The following L3MBTL4 variants were observed in gnomAD, a reference collection of about 807,000 sequenced individuals.
L3MBTL4 encodes the protein L3MBTL histone methyl-lysine binding protein 4.
L3MBTL4 carries 70 observed loss-of-function variants against 84.5 expected under a neutral mutation model. That is an observed-to-expected ratio of 0.83 (90% confidence interval 0.68 to 1.01). The LOEUF (loss-of-function observed/expected upper bound fraction) is 1.01, where lower values mean the gene tolerates loss of function less well. Ranked by LOEUF, L3MBTL4 falls within the 50% of genes least tolerant of loss-of-function variation. L3MBTL4 has a pLI of 0.00. For synonymous variants in L3MBTL4, 274 were observed against 259.8 expected, an observed-to-expected ratio of 1.05 and a Z score of -0.52; for missense variants, 715 against 754.8, an observed-to-expected ratio of 0.95 and a Z score of 0.62.
At chr18:6,091,396 T>C (rs943876546) in intron 15 of L3MBTL4, among the ~76,000 whole-genome samples, 8 of 152,206 alleles carry the variant, frequency 5.3e-5, no homozygotes, top group African/African-American at 1.7e-4. Context: ...GGCTTTGGTC[T>C]TGAGATGTAA....
At chr18:6,293,108 AC>A (rs1347057884) in intron 4 of L3MBTL4, among the ~76,000 whole-genome samples, 1 of 152,210 alleles carries the variant, frequency 6.6e-6, no homozygotes, top group Non-Finnish European at 1.5e-5. Flanking sequence ...CCCAAATAAA[AC>A]ATTTTAAATA....
Position 6,093,539 on chromosome 18 carries a change from T to C in L3MBTL4, c.1200-11A>G, listed in dbSNP as rs756145387. On this transcript the variant is annotated splice_polypyrimidine_tract_variant and intron_variant, in intron 14 of 18. Coordinates refer to ENST00000317931, the MANE Select transcript of L3MBTL4 (RefSeq NM_001330559.2). ...GGGCAGCCAAAAGCACTGGTTTGTA[T>C]AAAAATGAGAGCACAGTCATCAGTA... 1 of 1,608,728 alleles carries C rather than the reference T, an allele frequency of 6.2e-7. No individual in the cohort carries two copies. The highest frequency in any genetic ancestry group is 1.1e-5 in the South Asian group (1 of 89,786).
At chr18:6,300,076 A>T (rs1166865607) in intron 4 of L3MBTL4, among the ~76,000 whole-genome samples, 1 of 152,164 alleles carries the variant, frequency 6.6e-6, no homozygotes, top group Non-Finnish European at 1.5e-5. Context: ...TATTTCTAAG[A>T]CATGAGGTAA....
intron 4 of L3MBTL4, among the ~76,000 whole-genome samples, chr18:6,267,321 G>A (rs972169927): frequency 9.2e-5 from 14 of 152,152 alleles, no homozygotes; most frequent in Non-Finnish European, 2.9e-5. Context: ...AATTGTCATC[G>A]ATGGATTTTC....
intron 12 of L3MBTL4, among the ~76,000 whole-genome samples, chr18:6,173,159 CT>C (rs1210313356): frequency 2.0e-5 from 3 of 152,200 alleles, no homozygotes; most frequent in African/African-American, 7.2e-5. Flanking sequence ...ACAGTAATAA[CT>C]TTCAAAAGTA....
intron 15 of L3MBTL4, among the ~76,000 whole-genome samples, chr18:6,091,334 A>G (rs1343674079): frequency 2.6e-5 from 4 of 152,206 alleles, no homozygotes; most frequent in Admixed American, 6.5e-5. Context: ...TCCAAACATT[A>G]TTAGGATGAT....
intron 14 of L3MBTL4, among the ~76,000 whole-genome samples, chr18:6,099,847 A>G (rs1431149093): frequency 6.6e-6 from 1 of 151,944 alleles, no homozygotes; most frequent in East Asian, 1.9e-4. Context: ...CTATATATCT[A>G]TATCTATCTA....
intron 1 of L3MBTL4, among the ~76,000 whole-genome samples, chr18:6,344,410 A>T (rs957860260): frequency 3.9e-5 from 6 of 152,218 alleles, no homozygotes; most frequent in Non-Finnish European, 8.8e-5. Flanking sequence ...ACTTCCCAAT[A>T]AAGAAAGCCC....
At chr18:6,294,780 A>G (rs2050019205) in intron 4 of L3MBTL4, among the ~76,000 whole-genome samples, 1 of 152,306 alleles carries the variant, frequency 6.6e-6, no homozygotes, top group East Asian at 1.9e-4. Context: ...CACTCTTACT[A>G]TCCACCAGGG....
At chr18:6,337,995 G>T (rs922327077) in intron 1 of L3MBTL4, among the ~76,000 whole-genome samples, 8 of 151,796 alleles carry the variant, frequency 5.3e-5, no homozygotes, top group Admixed American at 1.3e-4. Context: ...ACAATAGAAT[G>T]GCCTTGTTAA....
intron 18 of L3MBTL4, among the ~76,000 whole-genome samples, chr18:5,957,719 G>A (rs1426157528): frequency 6.6e-6 from 1 of 151,996 alleles, no homozygotes; most frequent in Admixed American, 6.6e-5. Flanking sequence ...ACTTTGGGAG[G>A]CCGAGGTGGG....
chr18:6,004,789 G>A (rs936680521), intron 16 of L3MBTL4, among the ~76,000 whole-genome samples: 1 of 152,090 alleles, frequency 6.6e-6, no homozygotes, highest in African/African-American at 2.4e-5. Context: ...GAGATAGTGA[G>A]AGTAGTCAAA....
chr18:6,022,797 T>C (rs1264778718), intron 16 of L3MBTL4, among the ~76,000 whole-genome samples: 5 of 152,222 alleles, frequency 3.3e-5, no homozygotes, highest in African/African-American at 4.8e-5. Context: ...ATGTTTTCTC[T>C]TTTTTACTTT....
intron 15 of L3MBTL4, among the ~76,000 whole-genome samples, chr18:6,091,006 G>T (rs952275631): frequency 6.6e-6 from 1 of 152,064 alleles, no homozygotes; most frequent in Admixed American, 6.6e-5. Flanking sequence ...TTGGACAGCA[G>T]CCAAGTAAAA....
chr18:5,973,544 T>C (rs902380084), intron 16 of L3MBTL4, among the ~76,000 whole-genome samples: 3 of 152,200 alleles, frequency 2.0e-5, no homozygotes, highest in Non-Finnish European at 4.4e-5. Flanking sequence ...AACTTTTTTT[T>C]ACAAAGCCCA....
chr18:6,111,014 C>G (rs1386481023), intron 14 of L3MBTL4, among the ~76,000 whole-genome samples: 1 of 152,066 alleles, frequency 6.6e-6, no homozygotes, highest in Admixed American at 6.6e-5. Flanking sequence ...CTCTGCCCTC[C>G]TTTTCTTCCT....
intron 8 of L3MBTL4, among the ~76,000 whole-genome samples, chr18:6,241,112 T>C (rs890441053): frequency 6.6e-6 from 1 of 152,232 alleles, no homozygotes; most frequent in Non-Finnish European, 1.5e-5. Flanking sequence ...TTTAGTAGGC[T>C]TTAAACATAA....
At chr18:6,169,832 A>C (rs2043877785) in intron 13 of L3MBTL4, among the ~76,000 whole-genome samples, 1 of 151,878 alleles carries the variant, frequency 6.6e-6, no homozygotes. Context: ...GTATAATAAT[A>C]ATAATAATAA....
chr18:6,002,954 C>T (rs939491811), intron 16 of L3MBTL4, among the ~76,000 whole-genome samples: 2 of 151,026 alleles, frequency 1.3e-5, no homozygotes, highest in Non-Finnish European at 3.0e-5. Context: ...GATACTCATA[C>T]TCATCTTAGA....
Sources: allele counts gnomAD v4.1 joint callset (sites outside exome capture counted in the v4.1 genomes callset), GRCh38; gene constraint gnomAD v4.1.1; transcripts MANE v1.5; gene names NCBI Gene and HGNC (gene_info 2026-07-23, HGNC 2026-07-21).